Variants in RAB44 observed in about 807,000 individuals in gnomAD.
RAB44 encodes the protein ras-related protein Rab-44.
In RAB44, 67 loss-of-function variants were observed where a neutral mutation model predicts 93.3. The ratio of observed to expected loss-of-function variants is 0.72; its 90% CI spans 0.59 to 0.88. The LOEUF is 0.88. Among genes scored for constraint, RAB44 ranks in the 40% least tolerant of loss-of-function variants. The probability of loss-of-function intolerance (pLI) is 0.00; values close to 1 mark genes in which losing one functional copy is unlikely to be tolerated. For synonymous variants in RAB44, 427 were observed against 520.3 expected (o/e 0.82, Z 2.44); for missense variants, 1,064 against 1,261.7 (o/e 0.84, Z 2.37).
chr6:36,731,981 G>A lies in RAB44; in HGVS notation c.2976-22G>A. The A allele has an allele frequency of 8.1e-7, 1 of 1,231,772 alleles. No homozygotes were observed. The highest frequency in any genetic ancestry group is 1.0e-6 in the Non-Finnish European group (1 of 986,654). The allele number at this position is 1,231,772 out of a possible 1,614,324, so 76.3% of individuals were successfully genotyped here. A position where few individuals can be genotyped will look rare whatever the true frequency, so the allele number is the denominator to read the frequency against. On this transcript the variant is annotated intron_variant, in intron 13 of 13. Coordinates refer to ENST00000612677, the MANE Select transcript of RAB44 (RefSeq NM_001257357.2). The surrounding 1 kb of genome is among the most constrained non-coding windows in gnomAD (Gnocchi z 4.0). The stretch of plus-strand genomic sequence containing the variant: ...CCCGTAGGAGGTGAGAGAGAGGCCT[G>A]ATGCCTGGCACTGTCACATAGGTCA...
intron 11 of RAB44, 62 bp from the exon 12 acceptor site, chr6:36,728,638 G>A: frequency 1.4e-6 from 2 of 1,381,692 alleles, no homozygotes; most frequent in South Asian, 2.5e-5. Context: ...TTCTAGGAAG[G>A]CAAATGTGCC....
intron 7 of RAB44, among the ~76,000 whole-genome samples, chr6:36,720,064 T>C (rs1562061901): frequency 6.6e-6 from 1 of 152,166 alleles, no homozygotes; most frequent in African/African-American, 2.4e-5. Flanking sequence ...TGTAGGGCGC[T>C]GAGTAGAGGA....
At chr6:36,699,662 A>G (rs1762466976) in intron 1 of RAB44, among the ~76,000 whole-genome samples, 1 of 152,182 alleles carries the variant, frequency 6.6e-6, no homozygotes, top group African/African-American at 2.4e-5. Flanking sequence ...CCATCCCATG[A>G]CCAACCAGAA....
At chr6:36,729,817 T>C (rs1234001394) in intron 12 of RAB44, among the ~76,000 whole-genome samples, 1 of 152,180 alleles carries the variant, frequency 6.6e-6, no homozygotes, top group African/African-American at 2.4e-5. Context: ...CCCTTTGACA[T>C]AGTAATTTAT....
intron 1 of RAB44, among the ~76,000 whole-genome samples, chr6:36,702,403 C>A (rs1762535491): frequency 2.0e-5 from 3 of 149,720 alleles, no homozygotes; most frequent in Non-Finnish European, 1.5e-5. Context: ...CAGTTCTGTG[C>A]AACCTGTGCC....
At chr6:36,705,976 T>C (rs1314979098) in intron 2 of RAB44, among the ~76,000 whole-genome samples, 1 of 151,968 alleles carries the variant, frequency 6.6e-6, no homozygotes, top group Non-Finnish European at 1.5e-5. Context: ...CATAGCTCAC[T>C]GCAACCTCAA....
rs1185239124 is a variant in RAB44 at position 36,722,440 on chromosome 6, C to T, written c.2306C>T (p.Ala769Val). 2.1e-6 allele frequency: 3 copies of T among 1,437,040 alleles called. No individual in the cohort carries two copies. The highest frequency in any genetic ancestry group is 1.8e-6 in the Non-Finnish European group (2 of 1,099,266). The allele number at this position is 1,437,040 out of a possible 1,614,324, so 89.0% of individuals were successfully genotyped here. ...CCCACGCAAACCCCTCCCACCATGG[C>T]TGAGCAGGAAGCCCAACCCAGGCCA... is the stretch of plus-strand genomic sequence containing the variant. The part of the protein sequence containing the change: ...QEPTQTPPTM[A>V]EQEAQPRPSL... The change falls in exon 9 of 14, where the codon GCT becomes GTT. Residue 769 changes from alanine (A) to valine (V), a missense_variant. Transcript: ENST00000612677.
chr6:36,726,412 T>C (rs1582644499), intron 10 of RAB44, among the ~76,000 whole-genome samples: 1 of 152,238 alleles, frequency 6.6e-6, no homozygotes, highest in East Asian at 1.9e-4. Flanking sequence ...ATCCAGCTAA[T>C]TTTTGTATTT....
chr6:36,718,667 A>C (rs1484920178), intron 7 of RAB44, 79 bp downstream of exon 7: 2 of 677,650 alleles, frequency 3.0e-6, no homozygotes, highest in Non-Finnish European at 4.2e-6. Flanking sequence ...TATCAGAGAC[A>C]TGGAAATCAG....
chr6:36,715,694 A>T, intron 4 of RAB44, 41 bp downstream of exon 4: 1 of 1,525,272 alleles, frequency 6.6e-7, no homozygotes, highest in Non-Finnish European at 8.8e-7. Context: ...AGGCTCTGCC[A>T]GCCATTGACG....
chr6:36,722,856 C>T, intron 9 of RAB44, 123 bp downstream of exon 9: 1 of 1,113,936 alleles, frequency 9.0e-7, no homozygotes. Flanking sequence ...TGGCCACGGG[C>T]CCTGCATTAG....
At chr6:36,726,430 A>C (rs975212277) in intron 10 of RAB44, among the ~76,000 whole-genome samples, 1 of 152,118 alleles carries the variant, frequency 6.6e-6, no homozygotes, top group Non-Finnish European at 1.5e-5. Flanking sequence ...TTTTTAGTAG[A>C]GATGGGGTTT....
In RAB44 at chr6:36,733,104, G is replaced by A. The variant is rs1333980999; in HGVS notation, c.*1011G>A. 1 of 152,238 alleles carries A rather than the reference G, an allele frequency of 6.6e-6. No homozygotes were observed. The highest frequency in any genetic ancestry group is 1.5e-5 in the Non-Finnish European group (1 of 68,048). The allele number at this position is 152,238 out of a possible 1,614,324, so 9.4% of individuals were successfully genotyped here. The stretch of plus-strand genomic sequence containing the variant: ...TCGGAGAGCTTGCTTTAGAGTCTTG[G>A]AGAGACGGCCATGGTCTTCGTTTGT... On this transcript the variant is annotated 3_prime_UTR_variant, in exon 14 of 14. Transcript: ENST00000612677.
intron 1 of RAB44, among the ~76,000 whole-genome samples, chr6:36,702,339 A>AGAGAGAGAGAGAGAG (rs1554187154): frequency 9.4e-5 from 3 of 32,082 alleles, no homozygotes; most frequent in African/African-American, 3.4e-4. Flanking sequence ...AGAGAGAGAG[A>AGAGAGAGAGAGAGAG]ATGTACTTCT....
intron 4 of RAB44, among the ~76,000 whole-genome samples, chr6:36,715,879 G>A (rs558991322): frequency 6.6e-6 from 1 of 152,200 alleles, no homozygotes; most frequent in Non-Finnish European, 1.5e-5. Flanking sequence ...TTAAAACCAC[G>A]TGCAGAGGAT....
At chr6:36,712,228 G>C (rs1476390959) in intron 2 of RAB44, among the ~76,000 whole-genome samples, 1 of 149,728 alleles carries the variant, frequency 6.7e-6, no homozygotes, top group East Asian at 2.0e-4. Flanking sequence ...AGTTGAACTC[G>C]GGAGGTGGAG....
chr6:36,725,079 G>A (rs376809206), intron 9 of RAB44, among the ~76,000 whole-genome samples: 18 of 152,174 alleles, frequency 1.2e-4, no homozygotes, highest in African/African-American at 4.1e-4. Flanking sequence ...GGCCCCCAAA[G>A]TTAAGGCCAC....
At chr6:36,703,119 C>T (rs901726366) in intron 1 of RAB44, among the ~76,000 whole-genome samples, 3 of 152,200 alleles carry the variant, frequency 2.0e-5, no homozygotes, top group South Asian at 2.1e-4. Context: ...TAGAATCTGG[C>T]GTGGGCCTTC....
intron 13 of RAB44, among the ~76,000 whole-genome samples, 186 bp downstream of exon 13, chr6:36,730,935 G>A (rs1170848213): frequency 1.3e-5 from 2 of 151,932 alleles, no homozygotes; most frequent in Non-Finnish European, 2.9e-5. Flanking sequence ...TGCACTGAGA[G>A]TCTCCTGACT....
Sources: allele counts gnomAD v4.1 joint callset (sites outside exome capture counted in the v4.1 genomes callset), GRCh38; gene constraint gnomAD v4.1.1; non-coding constraint Gnocchi (gnomAD v3.1); transcripts MANE v1.5; gene names NCBI Gene and HGNC (gene_info 2026-07-23, HGNC 2026-07-21).